Variants in ABCA13 observed in about 807,000 individuals in gnomAD.
ABCA13 encodes the protein ATP binding cassette subfamily A member 13.
In ABCA13, 476 loss-of-function variants were observed where a neutral mutation model predicts 478.7. The ratio of observed to expected loss-of-function variants is 0.99; its 90% CI spans 0.92 to 1.07. The LOEUF (loss-of-function observed/expected upper bound fraction) is 1.07. Ranked by LOEUF, ABCA13 falls within the 50% of genes least tolerant of loss-of-function variation. The pLI, the probability that ABCA13 is intolerant of heterozygous loss-of-function variation, is 0.00. For synonymous variants in ABCA13, 2,252 were observed against 2,158.9 expected (o/e 1.04, Z -1.20); for missense variants, 6,060 against 5,910.6 (o/e 1.03, Z -0.83).
At chr7:48,514,501 T>G (rs1379437015) in intron 51 of ABCA13, among the ~76,000 whole-genome samples, 1 of 152,232 alleles carries the variant, frequency 6.6e-6, no homozygotes, top group Non-Finnish European at 1.5e-5. Context: ...GAGAGAGTTT[T>G]CATTCACTCT....
rs747198405 is a variant in ABCA13, at chr7:48,198,197, C to T, written c.164-40C>T. On this transcript the variant is annotated intron_variant, in intron 2 of 61. Transcript: ENST00000435803. ...TCAACAGGAATTCCATTTCTGGTAGCAGGTATACGGACTCATTTCTTCTTT... is the reference window on the plus strand; with the variant it reads ...TCAACAGGAATTCCATTTCTGGTAGTAGGTATACGGACTCATTTCTTCTTT... 12 of 1,566,728 alleles carry T rather than the reference C, an allele frequency of 7.7e-6. No individual in the cohort carries two copies. The East Asian group carries it at 2.7e-4, about 35-fold the overall frequency.
chr7:48,355,395 A>ACAAGGG (rs1306097959), intron 31 of ABCA13, among the ~76,000 whole-genome samples: 1 of 152,016 alleles, frequency 6.6e-6, no homozygotes, highest in Non-Finnish European at 1.5e-5. Flanking sequence ...AGCAGAGTGC[A>ACAAGGG]CAAGGGCAAG....
intron 35 of ABCA13, among the ~76,000 whole-genome samples, chr7:48,386,078 A>G (rs965463877): frequency 3.3e-5 from 5 of 152,152 alleles, no homozygotes; most frequent in Admixed American, 2.6e-4. Context: ...TGCATAGTTA[A>G]GCATTCCTAT....
At chr7:48,636,709 G>T (rs1794667372) in intron 59 of ABCA13, among the ~76,000 whole-genome samples, 1 of 152,188 alleles carries the variant, frequency 6.6e-6, no homozygotes, top group African/African-American at 2.4e-5. Flanking sequence ...TGGGCCTGAA[G>T]AGAGAAGTAA....
intron 35 of ABCA13, among the ~76,000 whole-genome samples, chr7:48,381,579 G>C (rs888128944): frequency 1.3e-5 from 2 of 152,188 alleles, no homozygotes; most frequent in East Asian, 3.9e-4. Flanking sequence ...CTCCACGCTC[G>C]AGTCAAGAGC....
At chr7:48,349,168 A>T (rs889472807) in intron 29 of ABCA13, among the ~76,000 whole-genome samples, 10 of 152,232 alleles carry the variant, frequency 6.6e-5, no homozygotes, top group African/African-American at 1.4e-4. Context: ...GTGACACTTC[A>T]CTATTATTGT....
At chr7:48,607,040 C>A (rs777028824) in intron 58 of ABCA13, among the ~76,000 whole-genome samples, 1 of 152,286 alleles carries the variant, frequency 6.6e-6, no homozygotes, top group Non-Finnish European at 1.5e-5. Context: ...TCAGCAAGGA[C>A]GGATGCCCCT....
intron 20 of ABCA13, among the ~76,000 whole-genome samples, chr7:48,288,494 T>C (rs1408934246): frequency 6.6e-6 from 1 of 152,234 alleles, no homozygotes; most frequent in Non-Finnish European, 1.5e-5. Context: ...TTGCTTTTGT[T>C]GTATCCACAT....
In ABCA13 at chr7:48,298,460, T is replaced by C; in HGVS notation, c.9294T>C (p.Ile3098=). The change falls in exon 23 of 62, where the codon ATT becomes ATC. Residue 3098 remains isoleucine (I), a synonymous_variant. Transcript: ENST00000435803. ...IQISNETIHS[I]LEANISHSKV... is the part of the protein sequence containing the mutation. ...TCTCGAATGAGACTATCCATAGCAT[T>C]CTAGAAGCAAATATTTCCCACTCCA... is the stretch of plus-strand genomic sequence containing the variant. 6.2e-7 allele frequency: 1 copy of C among 1,613,290 alleles called. No homozygotes were observed. Among genetic ancestry groups the C allele is most frequent in the Non-Finnish European group, 8.5e-7 (1 of 1,179,600 alleles).
At position 48,330,247 on chromosome 7, in the gene ABCA13, A is replaced by C. The variant is rs550700988; in HGVS notation, c.10000-5175A>C. ...CATCCATTCACATATCCATCCATTC[A>C]TCCATGTATTCATTCATCCATCCAT... On this transcript the variant is annotated intron_variant, in intron 27 of 61. Transcript: ENST00000435803. 3.3e-5 allele frequency among the ~76,000 whole-genome samples: 5 copies of C among 151,702 alleles called. No individual in the cohort carries two copies. The South Asian group carries it at 1.0e-3, about 32-fold the overall frequency.
Position 48,394,503 on chromosome 7 carries a change from G to A in ABCA13, c.11873+2364G>A, listed in dbSNP as rs201602209. 7.2e-5 allele frequency among the ~76,000 whole-genome samples: 11 copies of A among 152,246 alleles called. No individual in the cohort carries two copies. In the East Asian group the frequency reaches 2.1e-3, roughly 29 times the overall value. On this transcript the variant is annotated intron_variant, in intron 38 of 61. Coordinates refer to ENST00000435803, the MANE Select transcript of ABCA13 (RefSeq NM_152701.5). ...AGAACAACTTCCCACTCACTCTCCT[G>A]AGTCCCCTCTATTTCTCTGGCTCTT...
chr7:48,268,783 C>T (rs750585330), intron 15 of ABCA13, among the ~76,000 whole-genome samples, 197 bp from the exon 16 acceptor site: 21 of 150,832 alleles, frequency 1.4e-4, no homozygotes, highest in Non-Finnish European at 2.4e-4. Context: ...TTACATTGCT[C>T]GATGGCCAGT....
chr7:48,297,269 A>T lies in ABCA13; in HGVS notation c.9157A>T (p.Asn3053Tyr), dbSNP rs777566322. The T allele has an allele frequency of 5.6e-6, 9 of 1,609,762 alleles. No homozygotes were observed. The highest frequency in any genetic ancestry group is 7.6e-6 in the Non-Finnish European group (9 of 1,178,026). Residue 3053 changes from asparagine (N) to tyrosine (Y), a missense_variant, in exon 22 of 62, where the codon AAT (asparagine) becomes TAT (tyrosine). Coordinates refer to ENST00000435803, the MANE Select transcript of ABCA13 (RefSeq NM_152701.5). ...CCTCGAGGAAACTTGGTCATCAGGGAATCCCATCATGACTTTTCTCAGCAA... is the reference window on the plus strand; with the variant it reads ...CCTCGAGGAAACTTGGTCATCAGGGTATCCCATCATGACTTTTCTCAGCAA... The part of the protein sequence containing the change: ...KSLEETWSSG[N>Y]PIMTFLSNFT...
intron 27 of ABCA13, among the ~76,000 whole-genome samples, chr7:48,324,222 T>C (rs936675295): frequency 6.6e-6 from 1 of 152,186 alleles, no homozygotes; most frequent in Non-Finnish European, 1.5e-5. Context: ...GACTGGTTTT[T>C]CCTGGGGCCT....
intron 58 of ABCA13, among the ~76,000 whole-genome samples, chr7:48,608,250 T>C (rs965981052): frequency 2.0e-5 from 3 of 152,256 alleles, no homozygotes; most frequent in South Asian, 4.1e-4. Context: ...AGTGAGTGAC[T>C]GGGCACAAGT....
At position 48,615,460 on chromosome 7, in the gene ABCA13, A is replaced by G; in HGVS notation, c.14837+83A>G. ...AGGGTTATGACTGGAGATGCTTTAG[A>G]GGCAAGTATGTTCCAATTACCTGCT... On this transcript the variant is annotated intron_variant, in intron 59 of 61. Coordinates refer to ENST00000435803, the MANE Select transcript of ABCA13 (RefSeq NM_152701.5). 9 of 1,253,974 alleles carry G rather than the reference A, an allele frequency of 7.2e-6. No homozygotes were observed. In the South Asian group the frequency reaches 1.3e-4, roughly 18 times the overall value. The allele number at this position is 1,253,974 out of a possible 1,614,324, so 77.7% of individuals were successfully genotyped here.
intron 55 of ABCA13, among the ~76,000 whole-genome samples, chr7:48,553,437 G>A (rs1785505506): frequency 1.3e-5 from 2 of 151,962 alleles, no homozygotes; most frequent in South Asian, 4.1e-4. Context: ...CAGTGTATGA[G>A]GGTTCCCTTT....
intron 45 of ABCA13, among the ~76,000 whole-genome samples, chr7:48,475,920 A>G (rs896216044): frequency 2.6e-5 from 4 of 152,214 alleles, no homozygotes; most frequent in African/African-American, 7.2e-5. Context: ...TAAAGAACAA[A>G]CAGGGATTTT....
At chr7:48,271,665 C>T in intron 16 of ABCA13, 122 bp from the exon 17 acceptor site, 1 of 575,072 alleles carries the variant, frequency 1.7e-6, no homozygotes, top group Non-Finnish European at 2.6e-6. Context: ...TGTTGGAAAT[C>T]ATGTTGTCTA....
Sources: gnomAD v4.1 joint callset for allele counts (sites outside exome capture counted in the v4.1 genomes callset) on GRCh38, gnomAD v4.1.1 for gene constraint, MANE v1.5 for transcripts, NCBI Gene and HGNC (gene_info 2026-07-23, HGNC 2026-07-21) for gene names.